Variants in DEFB1 observed in about 807,000 individuals in gnomAD.
DEFB1 encodes the protein beta-defensin 1.
In DEFB1, 4 loss-of-function variants were observed where a neutral mutation model predicts 2.6. The ratio of observed to expected loss-of-function variants is 1.53; its 90% CI spans 0.76 to 3.51. The LOEUF (loss-of-function observed/expected upper bound fraction) is 3.51. Among genes scored for constraint, DEFB1 ranks in the 30% most tolerant of loss-of-function variants. DEFB1 has a pLI of 0.01. For synonymous variants in DEFB1, 56 were observed against 28.5 expected (o/e 1.96, Z -3.07); for missense variants, 162 against 76.9 (o/e 2.11, Z -4.14).
At position 6,877,829 on chromosome 8, in the gene DEFB1, G is replaced by C. The variant is rs772872367; in HGVS notation, c.29C>G (p.Thr10Ser). 3 of 1,614,092 alleles carry C rather than the reference G, an allele frequency of 1.9e-6. No individual in the cohort carries two copies. The highest frequency in any genetic ancestry group is 2.2e-5 in the East Asian group (1 of 44,876). MRTSYLLLF[T>S]LCLLLSEMAS... ...CATCTCAGACAAAAGTAAGCAGAGA[G>C]TAAACAGCAGAAGGTAGGAAGTTCT... Residue 10 changes from threonine (T) to serine (S), a missense_variant, in exon 1 of 2, where the codon ACT (threonine) becomes AGT (serine). Coordinates refer to ENST00000297439, the MANE Select transcript of DEFB1 (RefSeq NM_005218.4).
Position 6,870,620 on chromosome 8 carries a change from A to G in DEFB1, c.*61T>C. On this transcript the variant is annotated 3_prime_UTR_variant, in exon 2 of 2. Coordinates refer to ENST00000297439, the MANE Select transcript of DEFB1 (RefSeq NM_005218.4). The stretch of plus-strand genomic sequence containing the variant: ...ACTTCAAAAGCAATTTTCCTTTATT[A>G]AAAGAATGCTTATAAAAAGTTCATT... 6.4e-7 allele frequency: 1 copy of G among 1,573,466 alleles called. No homozygotes were observed. Among genetic ancestry groups the G allele is most frequent in the South Asian group, 1.2e-5 (1 of 83,242 alleles).
chr8:6,874,226 G>A (rs1806434754), intron 1 of DEFB1, among the ~76,000 whole-genome samples: 1 of 151,864 alleles, frequency 6.6e-6, no homozygotes, highest in Non-Finnish European at 1.5e-5. Context: ...TTGAGAGAAA[G>A]ACCGAAACAA....
intron 1 of DEFB1, among the ~76,000 whole-genome samples, chr8:6,875,091 CACACACA>C (rs1806476061): frequency 6.6e-6 from 1 of 151,706 alleles, no homozygotes; most frequent in Non-Finnish European, 1.5e-5. Context: ...CACACACACA[CACACACA>C]CACACACACA....
At chr8:6,873,641 G>A (rs967638621) in intron 1 of DEFB1, among the ~76,000 whole-genome samples, 1 of 152,060 alleles carries the variant, frequency 6.6e-6, no homozygotes, top group Non-Finnish European at 1.5e-5. Context: ...AGTTATAAGT[G>A]GGGGCTAAAC....
chr8:6,870,852 C>A, intron 1 of DEFB1, 26 bp from the exon 2 acceptor site: 1 of 1,590,410 alleles, frequency 6.3e-7, no homozygotes, highest in Non-Finnish European at 8.6e-7. Context: ...ACAAACACTT[C>A]AGACTCATGG....
At chr8:6,877,286 T>C (rs140952715) in intron 1 of DEFB1, among the ~76,000 whole-genome samples, 4 of 152,268 alleles carry the variant, frequency 2.6e-5, no homozygotes, top group Non-Finnish European at 5.9e-5. Context: ...AGAATGTGGA[T>C]GCATTTCTCA....
At chr8:6,876,862 A>C (rs1056009400) in intron 1 of DEFB1, among the ~76,000 whole-genome samples, 7 of 152,088 alleles carry the variant, frequency 4.6e-5, no homozygotes, top group African/African-American at 1.4e-4. Context: ...AAAAACAAAA[A>C]AACAAAATCC....
chr8:6,875,949 C>G (rs981141740), intron 1 of DEFB1, among the ~76,000 whole-genome samples: 13 of 152,028 alleles, frequency 8.6e-5, no homozygotes. Flanking sequence ...ACTGGGAAGG[C>G]TCGAGAATAG....
intron 1 of DEFB1, among the ~76,000 whole-genome samples, chr8:6,876,646 T>A (rs1245186723): frequency 6.6e-6 from 1 of 150,846 alleles, no homozygotes; most frequent in African/African-American, 2.4e-5. Flanking sequence ...AAAATAAAAA[T>A]AAAAAAATTA....
chr8:6,874,033 G>C (rs1806425792), intron 1 of DEFB1, among the ~76,000 whole-genome samples: 1 of 152,106 alleles, frequency 6.6e-6, no homozygotes, highest in South Asian at 2.1e-4. Context: ...AAGGATGTTA[G>C]TGTAATCTAA....
chr8:6,875,977 T>C (rs1190771993), intron 1 of DEFB1, among the ~76,000 whole-genome samples: 1 of 152,112 alleles, frequency 6.6e-6, no homozygotes, highest in African/African-American at 2.4e-5. Flanking sequence ...TAATTCAATT[T>C]AGATATAATA....
intron 1 of DEFB1, among the ~76,000 whole-genome samples, chr8:6,871,313 G>A (rs1230866166): frequency 1.3e-5 from 2 of 151,996 alleles, no homozygotes; most frequent in Non-Finnish European, 2.9e-5. Flanking sequence ...TGAAATCTAG[G>A]ATCGTTTCAC....
At chr8:6,873,948 A>G (rs1331749488) in intron 1 of DEFB1, among the ~76,000 whole-genome samples, 2 of 152,138 alleles carry the variant, frequency 1.3e-5, no homozygotes, top group Non-Finnish European at 2.9e-5. Flanking sequence ...CTTGCCTTTA[A>G]CATTTTCATG....
At chr8:6,871,323 C>T (rs1049452653) in intron 1 of DEFB1, among the ~76,000 whole-genome samples, 1 of 152,192 alleles carries the variant, frequency 6.6e-6, no homozygotes, top group Admixed American at 6.5e-5. Context: ...GATCGTTTCA[C>T]ATCGGGCTGA....
chr8:6,877,502 C>G (rs1454405225), intron 1 of DEFB1, among the ~76,000 whole-genome samples: 3 of 152,226 alleles, frequency 2.0e-5, no homozygotes, highest in African/African-American at 4.8e-5. Flanking sequence ...GCAGGGGAAG[C>G]AGCAATCTCA....
intron 1 of DEFB1, among the ~76,000 whole-genome samples, chr8:6,871,221 T>A (rs542161648): frequency 6.6e-6 from 1 of 152,342 alleles, no homozygotes; most frequent in East Asian, 1.9e-4. Flanking sequence ...CAGCCTACAC[T>A]TCCCTCCTTC....
rs764548807 is a variant in DEFB1, at chr8:6,870,748, G to A, written c.140C>T (p.Ser47Phe). The change falls in exon 2 of 2, where the codon TCT (serine) becomes TTT (phenylalanine). Residue 47 changes from serine (S) to phenylalanine (F), a missense_variant. Coordinates refer to ENST00000297439, the MANE Select transcript of DEFB1 (RefSeq NM_005218.4). Reference sequence around the variant, plus strand: ...AATTTTGGTAAAGATCGGGCAGGCAGAATAGAGACATTGCCCTCCACTGCT... The same window carrying A: ...AATTTTGGTAAAGATCGGGCAGGCAAAATAGAGACATTGCCCTCCACTGCT... Reference protein sequence around the residue: ...CVSSGGQCLYSACPIFTKIQG... With the variant: ...CVSSGGQCLYFACPIFTKIQG... The A allele has an allele frequency of 5.6e-6, 9 of 1,614,126 alleles. No individual in the cohort carries two copies. The highest frequency in any genetic ancestry group is 7.6e-6 in the Non-Finnish European group (9 of 1,180,054).
At chr8:6,875,064 C>CCACACACACA (rs61101914) in intron 1 of DEFB1, among the ~76,000 whole-genome samples, 4 of 135,636 alleles carry the variant, frequency 2.9e-5, no homozygotes, top group Admixed American at 7.4e-5. Context: ...CATACCGAAG[C>CCACACACACA]CACACACACA....
intron 1 of DEFB1, among the ~76,000 whole-genome samples, chr8:6,874,016 G>C (rs1365769757): frequency 6.6e-6 from 1 of 152,046 alleles, no homozygotes; most frequent in Non-Finnish European, 1.5e-5. Context: ...TCTCTTACGT[G>C]CTTCTTAAGG....
Sources: allele counts gnomAD v4.1 joint callset (sites outside exome capture counted in the v4.1 genomes callset), GRCh38; gene constraint gnomAD v4.1.1; transcripts MANE v1.5; gene names NCBI Gene and HGNC (gene_info 2026-07-23, HGNC 2026-07-21).